The following CARS2 variants were observed in gnomAD, a reference collection of about 807,000 sequenced individuals.
CARS2 encodes the protein probable cysteine--tRNA ligase, mitochondrial.
Under a neutral mutation model 68.8 loss-of-function variants are expected in CARS2, and 52 were observed. That is an observed-to-expected ratio of 0.76 (90% confidence interval 0.61 to 0.95). The LOEUF (loss-of-function observed/expected upper bound fraction) is 0.95. Ranked by LOEUF, CARS2 falls within the 40% of genes least tolerant of loss-of-function variation. The pLI, the probability that CARS2 is intolerant of heterozygous loss-of-function variation, is 0.00. For missense variants in CARS2, 780 were observed against 754.2 expected (o/e 1.03, Z -0.40); for synonymous variants, 314 against 303.6 (o/e 1.03, Z -0.36).
intron 7 of CARS2, among the ~76,000 whole-genome samples, chr13:110,672,128 AC>A (rs1334443624): frequency 5.9e-5 from 9 of 152,166 alleles, no homozygotes; most frequent in Non-Finnish European, 1.3e-4. Flanking sequence ...AGACTTTAAC[AC>A]CCCACTGTCA....
At chr13:110,713,137 G>A (rs1338335889) in exon 1 of CARS2, 3 of 1,429,714 alleles carry the variant, frequency 2.1e-6, no homozygotes, top group Non-Finnish European at 1.8e-6. Flanking sequence ...CATTACTCAC[G>A]GTCTCCCCGC....
intron 12 of CARS2, 107 bp downstream of exon 12, chr13:110,645,860 G>T (rs917301064): frequency 1.4e-6 from 2 of 1,388,920 alleles, no homozygotes; most frequent in Admixed American, 2.2e-5. Context: ...GCTGCGGGAG[G>T]CGAAATCAGC....
At chr13:110,694,488 T>G (rs972743509) in intron 3 of CARS2, among the ~76,000 whole-genome samples, 1 of 151,664 alleles carries the variant, frequency 6.6e-6, no homozygotes, top group African/African-American at 2.4e-5. Context: ...AATACAAAAA[T>G]TAGCTGGGCG....
upstream of CARS2, among the ~76,000 whole-genome samples, chr13:110,709,082 CT>C (rs113546139): frequency 3.1e-3 from 413 of 134,298 alleles, no homozygotes; most frequent in Admixed American, 7.1e-3. Flanking sequence ...TCTCTTTTTT[CT>C]TTTTTTTTTT....
rs558141617 is a variant in CARS2 at position 110,666,016 on chromosome 13, GAC to G, written c.919+1322_919+1323del. 73 of 985,208 alleles carry G rather than the reference GAC, an allele frequency of 7.4e-5. No homozygotes were observed. In the South Asian group the frequency reaches 2.9e-3, roughly 39 times the overall value. The allele number at this position is 985,208 out of a possible 1,614,324, so 61.0% of individuals were successfully genotyped here. ...GGGACACGACTACCTCTGTGCCTGA[GAC>G]ACAGTGTCTCAGCCCCACTATCTGG... On this transcript the variant is annotated intron_variant, in intron 8 of 14. Coordinates refer to ENST00000257347, the MANE Select transcript of CARS2 (RefSeq NM_024537.4).
At chr13:110,681,377 A>G (rs1201746055) in intron 6 of CARS2, among the ~76,000 whole-genome samples, 2 of 152,176 alleles carry the variant, frequency 1.3e-5, no homozygotes, top group Admixed American at 6.5e-5. Flanking sequence ...GTGTAATTCT[A>G]TTTCCTAATT....
Position 110,644,442 on chromosome 13 carries a change from G to A in CARS2, c.1359C>T (p.Ile453=). Residue 453 remains isoleucine, a synonymous_variant, in exon 13 of 15, where the codon ATC becomes ATT. Transcript: ENST00000257347. ...GPRSPAVFGA[I]ISYFEQFFET... ...CAAAAAACTGTTCAAAGTAAGAGAT[G>A]ATGGCACCAAACACAGCAGGACTTC... 6.2e-7 allele frequency: 1 copy of A among 1,614,092 alleles called. No individual in the cohort carries two copies. The highest frequency in any genetic ancestry group is 8.5e-7 in the Non-Finnish European group (1 of 1,180,038).
intron 2 of CARS2, among the ~76,000 whole-genome samples, chr13:110,703,321 G>A (rs1460404515): frequency 1.3e-5 from 2 of 152,194 alleles, no homozygotes; most frequent in African/African-American, 4.8e-5. Context: ...AACCACTGAA[G>A]GAGTACAATG....
At chr13:110,685,241 C>T (rs557682611) in intron 5 of CARS2, among the ~76,000 whole-genome samples, 1 of 151,796 alleles carries the variant, frequency 6.6e-6, no homozygotes, top group Non-Finnish European at 1.5e-5. Flanking sequence ...ACCCGGGAGG[C>T]GGAGGTTGCT....
intron 3 of CARS2, among the ~76,000 whole-genome samples, chr13:110,700,351 A>G (rs2063748875): frequency 1.3e-5 from 2 of 152,190 alleles, no homozygotes; most frequent in African/African-American, 4.8e-5. Flanking sequence ...TGTCACCCAC[A>G]CCAGCGCACT....
Position 110,664,691 on chromosome 13 carries a change from TTA to T in CARS2, c.920-1175_920-1174del, listed in dbSNP as rs1437374411. 3 of 960,402 alleles carry T rather than the reference TTA, an allele frequency of 3.1e-6. No individual in the cohort carries two copies. In the African/African-American group the frequency reaches 5.3e-5, roughly 17 times the overall value. 59.5% of individuals were successfully genotyped at this position (960,402 alleles called of 1,614,324 possible). Reference sequence around the variant, plus strand: ...AACACATTTGCTAAGGCCTGAATGTTTATGTCCTCCCAAATTCCTGTCAAAAT... The same window carrying T: ...AACACATTTGCTAAGGCCTGAATGTTTGTCCTCCCAAATTCCTGTCAAAAT... On this transcript the variant is annotated intron_variant, in intron 8 of 14. Coordinates refer to ENST00000257347, the MANE Select transcript of CARS2 (RefSeq NM_024537.4).
intron 6 of CARS2, among the ~76,000 whole-genome samples, chr13:110,679,670 G>GGGAT (rs1393709366): frequency 1.6e-5 from 2 of 128,066 alleles, no homozygotes; most frequent in East Asian, 4.9e-4. Context: ...GAGGGAGGGA[G>GGGAT]GGAGGGAGGG....
At chr13:110,663,405 C>T in intron 9 of CARS2, 46 bp downstream of exon 9, 1 of 1,580,512 alleles carries the variant, frequency 6.3e-7, no homozygotes, top group Non-Finnish European at 8.6e-7. Flanking sequence ...AGATGGGTTC[C>T]ACAAGCTATC....
chr13:110,711,177 CATA>C (rs763601009), upstream of CARS2, among the ~76,000 whole-genome samples: 2 of 152,192 alleles, frequency 1.3e-5, no homozygotes, highest in Non-Finnish European at 1.5e-5. Context: ...CTGTATTCGA[CATA>C]ATGTTTGTTT....
Position 110,663,499 on chromosome 13 carries a change from G to A in CARS2, c.939C>T (p.Gly313=), listed in dbSNP as rs1403475335. The part of the protein sequence containing the change: ...FLHSGHLHAK[G]KEEKMSKSLK... ...ATGATTTGGACATTTTTTCTTCTTT[G>A]CCTTTGGCGTGCAAATGCCCTGAAA... is the stretch of plus-strand genomic sequence containing the variant. Residue 313 remains glycine (G), a synonymous_variant, in exon 9 of 15, where the codon GGC becomes GGT. Transcript: ENST00000257347. 1.2e-6 allele frequency: 2 copies of A among 1,613,406 alleles called. No homozygotes were observed. Among genetic ancestry groups the A allele is most frequent in the Non-Finnish European group, 8.5e-7 (1 of 1,179,836 alleles).
intron 1 of CARS2, chr13:110,712,852 GC>G: frequency 8.8e-7 from 1 of 1,139,332 alleles, no homozygotes. Context: ...TCCCTCTCAG[GC>G]CCCTTTGTCT....
At chr13:110,692,023 T>C (rs577545100) in intron 3 of CARS2, among the ~76,000 whole-genome samples, 2,626 of 65,592 alleles carry the variant, frequency 0.04, 131 homozygotes, top group African/African-American at 0.11. Context: ...TATATATATA[T>C]ACACACACAC....
In CARS2 at chr13:110,705,480, T is replaced by C; in HGVS notation, c.275+41A>G. 3 of 1,439,652 alleles carry C rather than the reference T, an allele frequency of 2.1e-6. No homozygotes were observed. The highest frequency in any genetic ancestry group is 2.9e-6 in the Non-Finnish European group (3 of 1,052,564). 89.2% of individuals were successfully genotyped at this position (1,439,652 alleles called of 1,614,324 possible). On this transcript the variant is annotated intron_variant, in intron 2 of 14. Transcript: ENST00000257347. This position sits in a 1 kb window ranked among gnomAD's most constrained non-coding sequence, Gnocchi z 4.0. Reference sequence around the variant, plus strand: ...TCAGCAAAAGGCTTTCAAAAATAAATGGTCCTTTGAAGTATGAAAATTCAA... The same window carrying C: ...TCAGCAAAAGGCTTTCAAAAATAAACGGTCCTTTGAAGTATGAAAATTCAA...
chr13:110,697,840 C>A, intron 3 of CARS2: 1 of 412,798 alleles, frequency 2.4e-6, no homozygotes, highest in Admixed American at 3.0e-5. Context: ...AAGGCTAGAA[C>A]TGCTAAACAG....
Sources: gnomAD v4.1 joint callset for allele counts (sites outside exome capture counted in the v4.1 genomes callset) on GRCh38, gnomAD v4.1.1 for gene constraint, Gnocchi (gnomAD v3.1) non-coding constraint, MANE v1.5 for transcripts, NCBI Gene and HGNC (gene_info 2026-07-23, HGNC 2026-07-21) for gene names.